ZNF362: variants seen among roughly 807,000 people sequenced by gnomAD.
ZNF362 encodes the protein zinc finger protein 362.
A neutral mutation model predicts 42.9 loss-of-function variants in ZNF362; 11 were observed. The ratio of observed to expected loss-of-function variants is 0.26; its 90% CI spans 0.16 to 0.42. The LOEUF (loss-of-function observed/expected upper bound fraction) is 0.42. ZNF362 is among the 20% of genes least tolerant of loss of function. ZNF362 has a pLI of 1.00. For missense variants in ZNF362, 362 were observed against 576.2 expected (o/e 0.63, Z 3.81); for synonymous variants, 255 against 257.3 (o/e 0.99, Z 0.09).
At chr1:33,226,954 T>C in the ZNF362 span, among the ~76,000 whole-genome samples, 11 of 152,182 alleles carry the variant, frequency 7.2e-5, no homozygotes, top group Non-Finnish European at 1.5e-4. Flanking sequence ...GTTTCATTTA[T>C]ATGAAATGTC....
the ZNF362 span, among the ~76,000 whole-genome samples, chr1:33,250,836 A>C: frequency 6.7e-6 from 1 of 148,960 alleles, no homozygotes; most frequent in African/African-American, 2.5e-5. Context: ...AGAAAAGAAG[A>C]AGAAAGAAGA....
the ZNF362 span, chr1:33,181,330 T>A: frequency 6.3e-7 from 1 of 1,577,452 alleles, no homozygotes; most frequent in South Asian, 1.1e-5. This position sits in a 1 kb window ranked among gnomAD's most constrained non-coding sequence, Gnocchi z 6.5. Context: ...TGCTCCGTGA[T>A]GCAGCGGCGG....
chr1:33,295,815 C>T (rs370463539), intron 8 of ZNF362, among the ~76,000 whole-genome samples: 12 of 152,264 alleles, frequency 7.9e-5, no homozygotes, highest in African/African-American at 2.4e-4. Flanking sequence ...CACCCCCAGG[C>T]GAATCGCTTG....
chr1:33,253,251 A>G (rs1570373088), upstream of ZNF362, among the ~76,000 whole-genome samples: 1 of 145,634 alleles, frequency 6.9e-6, no homozygotes, highest in African/African-American at 2.6e-5. Context: ...GGAAAGGGGG[A>G]TGGGTGCCAG....
At chr1:33,293,218 C>T (rs1342077893) in intron 6 of ZNF362, among the ~76,000 whole-genome samples, 1 of 152,164 alleles carries the variant, frequency 6.6e-6, no homozygotes, top group Non-Finnish European at 1.5e-5. Context: ...ATTTACTGGG[C>T]AAAAGAGCTG....
In ZNF362 at chr1:33,280,808, C is replaced by T. The variant is rs1243941201; in HGVS notation, c.683+351C>T. Reference sequence around the variant, plus strand: ...AAGAGGCCGTGCACAATGGCTCATCCCTGTAATCCCAGCGCTTTGGGAGGC... The same window carrying T: ...AAGAGGCCGTGCACAATGGCTCATCTCTGTAATCCCAGCGCTTTGGGAGGC... On this transcript the variant is annotated intron_variant, in intron 5 of 8. Coordinates refer to ENST00000539719, the MANE Select transcript of ZNF362 (RefSeq NM_152493.3). This position sits in a 1 kb window ranked among gnomAD's most constrained non-coding sequence, Gnocchi z 5.6. Among the ~76,000 whole-genome samples the T allele has an allele frequency of 6.6e-6, 1 of 152,196 alleles. No individual in the cohort carries two copies. Among genetic ancestry groups the T allele is most frequent in the Non-Finnish European group, 1.5e-5 (1 of 68,030 alleles).
chr1:33,290,908 G>A (rs1553179849), intron 6 of ZNF362, among the ~76,000 whole-genome samples: 2 of 152,146 alleles, frequency 1.3e-5, no homozygotes, highest in Non-Finnish European at 2.9e-5. Context: ...TGTTGATGGG[G>A]TTGTTTGTTT....
the ZNF362 span, among the ~76,000 whole-genome samples, chr1:33,171,216 A>G: frequency 6.6e-6 from 1 of 152,204 alleles, no homozygotes; most frequent in Non-Finnish European, 1.5e-5. Context: ...GGAGCCTGAT[A>G]AACTCTCAAG....
At chr1:33,256,041 G>A (rs1645786277), upstream of ZNF362, among the ~76,000 whole-genome samples, 1 of 151,608 alleles carries the variant, frequency 6.6e-6, no homozygotes. Context: ...CTGGGGAAGG[G>A]GCTGTCCTAG....
chr1:33,226,830 A>T, the ZNF362 span, among the ~76,000 whole-genome samples: 1 of 152,208 alleles, frequency 6.6e-6, no homozygotes, highest in Admixed American at 6.5e-5. Context: ...GTGCCACTGC[A>T]CTCCAGCCTG....
chr1:33,238,801 C>T, the ZNF362 span, among the ~76,000 whole-genome samples: 2 of 152,134 alleles, frequency 1.3e-5, no homozygotes, highest in Non-Finnish European at 2.9e-5. Flanking sequence ...CTATCTCTCC[C>T]TCTCGACGTA....
At chr1:33,170,491 G>C in the ZNF362 span, among the ~76,000 whole-genome samples, 44 of 152,044 alleles carry the variant, frequency 2.9e-4, no homozygotes, top group Non-Finnish European at 5.4e-4. Context: ...CCTAGGACAC[G>C]GCCACACACC....
the ZNF362 span, among the ~76,000 whole-genome samples, chr1:33,249,144 C>T: frequency 6.6e-6 from 1 of 152,198 alleles, no homozygotes; most frequent in African/African-American, 2.4e-5. Flanking sequence ...GAAGGTCACC[C>T]TCAGGATGTG....
upstream of ZNF362, among the ~76,000 whole-genome samples, chr1:33,253,898 T>C (rs559620586): frequency 6.6e-6 from 1 of 152,184 alleles, no homozygotes. Context: ...TTATAGACTT[T>C]ATGTTTTAGA....
At chr1:33,243,844 G>A in the ZNF362 span, among the ~76,000 whole-genome samples, 1 of 149,754 alleles carries the variant, frequency 6.7e-6, no homozygotes, top group African/African-American at 2.5e-5. Flanking sequence ...TCCTGACCTC[G>A]TGATCCGCCC....
At chr1:33,180,976 CACCTCCAGCCCGG>C in the ZNF362 span, 2 of 1,101,864 alleles carry the variant, frequency 1.8e-6, no homozygotes, top group South Asian at 1.4e-5. Flanking sequence ...CGCCCGGCCC[CACCTCCAGCCCGG>C]CCCCGCCCCT....
At chr1:33,183,150 A>T in the ZNF362 span, among the ~76,000 whole-genome samples, 1 of 152,166 alleles carries the variant, frequency 6.6e-6, no homozygotes, top group Non-Finnish European at 1.5e-5. Flanking sequence ...GGGCCTCAGC[A>T]GTGGGTAAGG....
the ZNF362 span, among the ~76,000 whole-genome samples, chr1:33,240,833 T>C: frequency 6.6e-6 from 1 of 152,150 alleles, no homozygotes; most frequent in African/African-American, 2.4e-5. Flanking sequence ...CCTGGCGTTT[T>C]CCCCCATGCG....
the ZNF362 span, chr1:33,181,577 T>C: frequency 7.3e-7 from 1 of 1,368,234 alleles, no homozygotes; most frequent in Non-Finnish European, 9.5e-7. The surrounding 1 kb of genome is among the most constrained non-coding windows in gnomAD (Gnocchi z 6.5). Context: ...AGGGAGGGGG[T>C]GCTGTCCGGA....
Sources: gnomAD v4.1 joint callset for allele counts (sites outside exome capture counted in the v4.1 genomes callset) on GRCh38, gnomAD v4.1.1 for gene constraint, Gnocchi (gnomAD v3.1) non-coding constraint, MANE v1.5 for transcripts, NCBI Gene and HGNC (gene_info 2026-07-23, HGNC 2026-07-21) for gene names.